DOCK9: variants seen among roughly 807,000 people sequenced by gnomAD.
DOCK9 encodes dedicator of cytokinesis protein 9.
In DOCK9, 89 loss-of-function variants were observed where a neutral mutation model predicts 263.3. The observed-to-expected ratio is 0.34, with a 90% CI of 0.28 to 0.40. DOCK9 has a LOEUF of 0.40. Ranked by LOEUF, DOCK9 falls within the 10% of genes least tolerant of loss-of-function variation. DOCK9 has a pLI of 1.00. For missense variants in DOCK9, 2,140 were observed against 2,603.4 expected, an observed-to-expected ratio of 0.82 and a Z score of 3.87; for synonymous variants, 976 against 973.1, an observed-to-expected ratio of 1.00 and a Z score of -0.06.
intron 8 of DOCK9, among the ~76,000 whole-genome samples, 195 bp from the exon 9 acceptor site, chr13:98,914,590 T>G (rs2050588672): frequency 6.6e-6 from 1 of 152,134 alleles, no homozygotes. Context: ...GTCAAAACAC[T>G]GAGCAGCTGG....
At chr13:99,048,114 T>A (rs1294278918) in intron 1 of DOCK9, among the ~76,000 whole-genome samples, 1 of 152,226 alleles carries the variant, frequency 6.6e-6, no homozygotes, top group African/African-American at 2.4e-5. Context: ...CATATTCCAT[T>A]GTATTTTAAA....
intron 23 of DOCK9, among the ~76,000 whole-genome samples, chr13:98,882,784 A>C (rs558330889): frequency 6.6e-6 from 1 of 152,180 alleles, no homozygotes; most frequent in Non-Finnish European, 1.5e-5. Flanking sequence ...GTCTCAAGTG[A>C]GGGGTTTTCC....
chr13:98,902,267 T>C, intron 12 of DOCK9, 21 bp downstream of exon 12: 1 of 1,610,988 alleles, frequency 6.2e-7, no homozygotes, highest in Non-Finnish European at 8.5e-7. Context: ...GTAGTGGGAA[T>C]GCTGGGCTCA....
intron 1 of DOCK9, among the ~76,000 whole-genome samples, chr13:99,081,646 TTAA>T (rs2042124785): frequency 6.6e-6 from 1 of 152,232 alleles, no homozygotes; most frequent in Non-Finnish European, 1.5e-5. Flanking sequence ...TTGAGTGGTA[TTAA>T]TACATCCTCT....
chr13:98,801,956 C>T (rs1286015844), intron 49 of DOCK9, among the ~76,000 whole-genome samples: 7 of 152,216 alleles, frequency 4.6e-5, no homozygotes, highest in Non-Finnish European at 7.3e-5. Context: ...TGAAGGGTTC[C>T]CGACTTGGTT....
At chr13:98,873,031 C>A (rs765773598) in intron 27 of DOCK9, among the ~76,000 whole-genome samples, 1 of 152,202 alleles carries the variant, frequency 6.6e-6, no homozygotes, top group Non-Finnish European at 1.5e-5. Flanking sequence ...GGCTTGAGGC[C>A]TCTCCAATGC....
intron 13 of DOCK9, among the ~76,000 whole-genome samples, chr13:98,898,856 T>C (rs962574193): frequency 2.6e-5 from 4 of 152,200 alleles, no homozygotes; most frequent in Admixed American, 2.6e-4. Context: ...GTTGATTGAT[T>C]GATTAATTCA....
chr13:99,056,997 C>T (rs936833816), intron 1 of DOCK9, among the ~76,000 whole-genome samples: 1 of 152,186 alleles, frequency 6.6e-6, no homozygotes, highest in Non-Finnish European at 1.5e-5. Context: ...AGTTTCTTGC[C>T]AAGTAGCTGG....
chr13:98,818,571 A>G (rs2092057445), intron 45 of DOCK9, among the ~76,000 whole-genome samples: 1 of 152,078 alleles, frequency 6.6e-6, no homozygotes, highest in South Asian at 2.1e-4. Context: ...ACATATGCAA[A>G]GAACTGTTAA....
Position 98,923,320 on chromosome 13 carries a change from C to T in DOCK9, c.468G>A (p.Glu156=). Residue 156 remains glutamate, a synonymous_variant, in exon 5 of 53, where the codon GAG becomes GAA. Coordinates refer to ENST00000682017, the MANE Select transcript of DOCK9 (RefSeq NM_001366683.2). ...KLPVHVYEVD[E]EVDKDEDAAS... is the part of the protein sequence containing the mutation. ...ATCCCACCTCATCTTTGTCGACCTC[C>T]TCGTCAACTTCATAGACATGAACTG... 1 of 1,613,888 alleles carries T rather than the reference C, an allele frequency of 6.2e-7. No homozygotes were observed. Among genetic ancestry groups the T allele is most frequent in the Non-Finnish European group, 8.5e-7 (1 of 1,179,792 alleles).
intron 1 of DOCK9, among the ~76,000 whole-genome samples, chr13:98,987,959 AAAAAAT>A (rs1364322419): frequency 6.6e-6 from 1 of 152,166 alleles, no homozygotes; most frequent in Non-Finnish European, 1.5e-5. Context: ...TTTTAAATTT[AAAAAAT>A]AAAAACATTA....
intron 32 of DOCK9, among the ~76,000 whole-genome samples, chr13:98,862,304 A>C (rs1366350665): frequency 2.6e-5 from 4 of 152,146 alleles, no homozygotes; most frequent in African/African-American, 4.8e-5. Context: ...CTTATTTGGA[A>C]ATAGGATCTT....
chr13:98,944,382 G>GAAAAA (rs59677048), intron 2 of DOCK9, among the ~76,000 whole-genome samples: 1,588 of 72,984 alleles, frequency 0.022, 72 homozygotes, highest in Middle Eastern at 0.043. Context: ...CACTATATGA[G>GAAAAA]AAAAAAAAAA....
chr13:99,068,190 C>T (rs972198615), intron 1 of DOCK9, among the ~76,000 whole-genome samples: 5 of 152,224 alleles, frequency 3.3e-5, no homozygotes, highest in Non-Finnish European at 7.3e-5. Flanking sequence ...AAGGAAATCT[C>T]AACACCAATG....
chr13:98,841,616 ATTT>A (rs763770697), intron 38 of DOCK9, among the ~76,000 whole-genome samples: 2 of 137,350 alleles, frequency 1.5e-5, no homozygotes. Context: ...TATGAACAAA[ATTT>A]TTTTTTTTTT....
chr13:98,845,868 C>T, intron 38 of DOCK9, 56 bp downstream of exon 38: 1 of 1,595,658 alleles, frequency 6.3e-7, no homozygotes, highest in East Asian at 2.3e-5. Context: ...GGGCTCTCCC[C>T]TCTGAGATGG....
chr13:99,086,398 C>T lies in DOCK9; in HGVS notation c.-47G>A, dbSNP rs1445832956. The T allele has an allele frequency of 1.3e-5, 14 of 1,040,880 alleles. No individual in the cohort carries two copies. The East Asian group carries it at 3.3e-4, about 25-fold the overall frequency. 64.5% of individuals were successfully genotyped at this position (1,040,880 alleles called of 1,614,324 possible). A position where few individuals can be genotyped will look rare whatever the true frequency, so the allele number is the denominator to read the frequency against. ...GCCTCCGCCTGCTCCCGCGGCCCGGCCCGGCCGCGCGGCCGCCAGGTGCGC... is the reference window on the plus strand; with the variant it reads ...GCCTCCGCCTGCTCCCGCGGCCCGGTCCGGCCGCGCGGCCGCCAGGTGCGC... On this transcript the variant is annotated 5_prime_UTR_variant, in exon 1 of 33. Transcript: ENST00000427887.
chr13:98,928,325 T>G (rs1040915647), intron 3 of DOCK9, among the ~76,000 whole-genome samples: 2 of 152,222 alleles, frequency 1.3e-5, no homozygotes, highest in African/African-American at 2.4e-5. Flanking sequence ...GTTTTTGAAG[T>G]TTTTTTCTGC....
intron 15 of DOCK9, among the ~76,000 whole-genome samples, chr13:98,895,382 CT>C (rs1304961661): frequency 6.6e-6 from 1 of 151,738 alleles, no homozygotes; most frequent in African/African-American, 2.4e-5. Flanking sequence ...ATGTTCCCCC[CT>C]AGGCTGGGCA....
Sources: gnomAD v4.1 joint callset for allele counts (sites outside exome capture counted in the v4.1 genomes callset) on GRCh38, gnomAD v4.1.1 for gene constraint, MANE v1.5 for transcripts, NCBI Gene and HGNC (gene_info 2026-07-23, HGNC 2026-07-21) for gene names.